EDIL3: variants seen among roughly 807,000 people sequenced by gnomAD.
The protein encoded by EDIL3 is EGF-like repeat and discoidin I-like domain-containing protein 3.
EDIL3 carries 37 observed loss-of-function variants against 67.4 expected under a neutral mutation model. That is an observed-to-expected ratio of 0.55 (90% CI 0.42 to 0.72). EDIL3 has a LOEUF of 0.72. Among genes scored for constraint, EDIL3 ranks in the 30% least tolerant of loss-of-function variants. The probability of loss-of-function intolerance (pLI) is 0.00; values close to 1 mark genes in which losing one functional copy is unlikely to be tolerated. For missense variants in EDIL3, 527 were observed against 586.3 expected, an observed-to-expected ratio of 0.90 and a Z score of 1.04; for synonymous variants, 195 against 196.3, an observed-to-expected ratio of 0.99 and a Z score of 0.05.
intron 1 of EDIL3, among the ~76,000 whole-genome samples, chr5:84,379,352 T>A (rs1748031411): frequency 6.6e-6 from 1 of 152,166 alleles, no homozygotes; most frequent in Admixed American, 6.5e-5. Context: ...CAAAGCTTTA[T>A]TTATCATGAC....
chr5:84,258,365 T>C (rs1053982738), intron 1 of EDIL3, among the ~76,000 whole-genome samples: 27 of 152,150 alleles, frequency 1.8e-4, no homozygotes, highest in African/African-American at 5.3e-4. Flanking sequence ...CGGGACAGGA[T>C]TGACCAGGGA....
At chr5:84,190,599 A>G (rs1416916256) in intron 3 of EDIL3, among the ~76,000 whole-genome samples, 3,016 of 138,032 alleles carry the variant, frequency 0.022, 119 homozygotes, top group African/African-American at 0.075. Context: ...ATATATATAT[A>G]TATATAATAA....
intron 4 of EDIL3, among the ~76,000 whole-genome samples, chr5:84,172,316 T>C (rs891328342): frequency 6.6e-6 from 1 of 152,200 alleles, no homozygotes; most frequent in Non-Finnish European, 1.5e-5. Flanking sequence ...GCATGGTCAT[T>C]CATACCTGTA....
chr5:84,333,017 T>G (rs1746907612), intron 1 of EDIL3, among the ~76,000 whole-genome samples: 1 of 152,182 alleles, frequency 6.6e-6, no homozygotes, highest in African/African-American at 2.4e-5. Flanking sequence ...TCTATTTGTT[T>G]AATTTCAAAT....
At position 84,077,361 on chromosome 5, in the gene EDIL3, T is replaced by C. The variant is rs1411511418; in HGVS notation, c.652-10755A>G. On this transcript the variant is annotated intron_variant, in intron 6 of 10. Transcript: ENST00000296591. ...TGCATTTTCAGGTGAGAATAACTGA[T>C]CTAAAATATACAAGGGTGTATGAGT... is the stretch of plus-strand genomic sequence containing the variant. Among the ~76,000 whole-genome samples, 3 of 152,274 alleles carry C rather than the reference T, an allele frequency of 2.0e-5. No individual in the cohort carries two copies. The East Asian group carries it at 5.8e-4, about 29-fold the overall frequency.
intron 1 of EDIL3, among the ~76,000 whole-genome samples, chr5:84,312,289 C>A (rs1746414437): frequency 7.1e-6 from 1 of 140,368 alleles, no homozygotes; most frequent in Non-Finnish European, 1.6e-5. Flanking sequence ...CGGGGGCTGA[C>A]CCCCCCACCT....
At chr5:84,160,723 C>A (rs1748586850) in intron 4 of EDIL3, among the ~76,000 whole-genome samples, 1 of 142,698 alleles carries the variant, frequency 7.0e-6, no homozygotes, top group African/African-American at 2.5e-5. Flanking sequence ...TTTTCATTTT[C>A]TTCTTTTTTT....
At chr5:84,298,698 A>G (rs1746097364) in intron 1 of EDIL3, among the ~76,000 whole-genome samples, 1 of 152,164 alleles carries the variant, frequency 6.6e-6, no homozygotes, top group Non-Finnish European at 1.5e-5. Flanking sequence ...AGATTACTAC[A>G]GGGAAACTGC....
intron 9 of EDIL3, among the ~76,000 whole-genome samples, chr5:83,966,640 T>G (rs1193332868): frequency 6.6e-6 from 1 of 152,064 alleles, no homozygotes; most frequent in Non-Finnish European, 1.5e-5. Context: ...TTTACCTCTC[T>G]ACCTCCCAAC....
At chr5:84,153,193 T>C (rs908185073) in intron 4 of EDIL3, among the ~76,000 whole-genome samples, 6 of 152,206 alleles carry the variant, frequency 3.9e-5, no homozygotes, top group Non-Finnish European at 8.8e-5. Flanking sequence ...TGTTAAATAA[T>C]GTATTTAAAC....
At chr5:84,165,517 A>G (rs1273847581) in intron 4 of EDIL3, among the ~76,000 whole-genome samples, 2 of 152,128 alleles carry the variant, frequency 1.3e-5, no homozygotes, top group African/African-American at 2.4e-5. Context: ...CTCTTGAAGG[A>G]TTCACTGCCT....
At chr5:83,974,673 T>C (rs527545594) in intron 9 of EDIL3, among the ~76,000 whole-genome samples, 23 of 152,096 alleles carry the variant, frequency 1.5e-4, no homozygotes, top group African/African-American at 5.5e-4. Context: ...AAATTATACT[T>C]GTAGTCTTAG....
intron 6 of EDIL3, among the ~76,000 whole-genome samples, chr5:84,082,567 A>T (rs1162814804): frequency 6.6e-6 from 1 of 152,182 alleles, no homozygotes; most frequent in East Asian, 1.9e-4. Context: ...AGCATTCTAC[A>T]TTCTTTGTGT....
intron 1 of EDIL3, among the ~76,000 whole-genome samples, chr5:84,368,485 T>C (rs1223275862): frequency 2.6e-5 from 4 of 152,066 alleles, no homozygotes; most frequent in African/African-American, 9.7e-5. Flanking sequence ...GAACTCAAAA[T>C]AGATCAAATA....
intron 3 of EDIL3, among the ~76,000 whole-genome samples, chr5:84,207,220 AC>A (rs1475126831): frequency 4.6e-5 from 7 of 152,212 alleles, no homozygotes. Context: ...AAATCAAAGT[AC>A]AAAAATCACA....
intron 9 of EDIL3, among the ~76,000 whole-genome samples, chr5:84,054,081 C>G (rs1194808178): frequency 6.6e-6 from 1 of 152,182 alleles, no homozygotes; most frequent in Non-Finnish European, 1.5e-5. Flanking sequence ...CAAACCAAAT[C>G]CAGCAGCACA....
At chr5:84,384,015 C>T (rs1160606644) in intron 1 of EDIL3, among the ~76,000 whole-genome samples, 1 of 152,298 alleles carries the variant, frequency 6.6e-6, no homozygotes, top group East Asian at 1.9e-4. Context: ...GCCGAGTGAG[C>T]CACAGAGTCG....
intron 2 of EDIL3, among the ~76,000 whole-genome samples, chr5:84,240,676 C>T (rs1001710339): frequency 2.6e-5 from 4 of 152,150 alleles, no homozygotes; most frequent in African/African-American, 9.7e-5. Flanking sequence ...TCCCCAACCA[C>T]CGGTCCATGG....
chr5:84,097,172 C>T (rs994084694), intron 6 of EDIL3, among the ~76,000 whole-genome samples: 1 of 152,138 alleles, frequency 6.6e-6, no homozygotes, highest in African/African-American at 2.4e-5. Flanking sequence ...TGTTTTTCCT[C>T]TCACAAATTC....
Sources: gnomAD v4.1 joint callset for allele counts (sites outside exome capture counted in the v4.1 genomes callset) on GRCh38, gnomAD v4.1.1 for gene constraint, MANE v1.5 for transcripts, NCBI Gene and HGNC (gene_info 2026-07-23, HGNC 2026-07-21) for gene names.